ABI2: variants seen among roughly 807,000 people sequenced by gnomAD.
The protein encoded by ABI2 is abelson interactor 2.
Under a neutral mutation model 59.2 loss-of-function variants are expected in ABI2, and 25 were observed. The ratio of observed to expected loss-of-function variants is 0.42; its 90% CI spans 0.31 to 0.59. The LOEUF is 0.59. Among genes scored for constraint, ABI2 ranks in the 20% least tolerant of loss-of-function variants. ABI2 has a pLI of 0.14. For synonymous variants in ABI2, 213 were observed against 235.5 expected (o/e 0.90, Z 0.87); for missense variants, 545 against 681.8 (o/e 0.80, Z 2.23).
chr2:203,351,682 C>T (rs532684035), intron 1 of ABI2: 27 of 359,728 alleles, frequency 7.5e-5, no homozygotes, highest in African/African-American at 4.2e-4. Flanking sequence ...ACTACAGGTG[C>T]GTGCTACTGT....
chr2:203,384,314 T>G (rs35433899), intron 4 of ABI2, among the ~76,000 whole-genome samples: 4,700 of 143,524 alleles, frequency 0.033, 293 homozygotes, highest in African/African-American at 0.12. Context: ...TTTTTTTTTT[T>G]TTTTTTTTTT....
chr2:203,387,654 A>G (rs2096582737), intron 4 of ABI2, among the ~76,000 whole-genome samples: 1 of 152,256 alleles, frequency 6.6e-6, no homozygotes, highest in Admixed American at 6.5e-5. Flanking sequence ...GAATAAAAAA[A>G]TACATAACAA....
intron 1 of ABI2, among the ~76,000 whole-genome samples, chr2:203,348,775 A>G (rs2085441649): frequency 6.6e-6 from 1 of 152,182 alleles, no homozygotes; most frequent in Admixed American, 6.6e-5. Context: ...TCCATTATTA[A>G]TATCTGTCTC....
At chr2:203,370,580 C>G (rs2095071750) in intron 2 of ABI2, among the ~76,000 whole-genome samples, 1 of 152,104 alleles carries the variant, frequency 6.6e-6, no homozygotes, top group South Asian at 2.1e-4. Flanking sequence ...GTTTGCCAGC[C>G]CCTGCTCTAA....
chr2:203,329,204 C>A, intron 1 of ABI2: 1 of 152,532 alleles, frequency 6.6e-6, no homozygotes, highest in Non-Finnish European at 1.5e-5. Context: ...CCATTTTTTT[C>A]CCTATGGAGA....
intron 1 of ABI2, among the ~76,000 whole-genome samples, chr2:203,332,734 A>G (rs2074417528): frequency 6.6e-6 from 1 of 152,224 alleles, no homozygotes; most frequent in Non-Finnish European, 1.5e-5. Flanking sequence ...AAGAATTTTT[A>G]TTACAATATA....
chr2:203,410,357 A>G (rs2097608361), intron 9 of ABI2, among the ~76,000 whole-genome samples: 1 of 152,248 alleles, frequency 6.6e-6, no homozygotes, highest in Non-Finnish European at 1.5e-5. Context: ...AAGAAAATGC[A>G]TATCCTACTT....
intron 1 of ABI2, among the ~76,000 whole-genome samples, chr2:203,345,834 C>T (rs768811925): frequency 2.6e-5 from 4 of 151,890 alleles, no homozygotes; most frequent in African/African-American, 9.7e-5. Context: ...GCGTGAGGCA[C>T]TGTGCCCAGC....
chr2:203,374,530 A>G (rs932053772), intron 2 of ABI2, among the ~76,000 whole-genome samples: 3 of 151,652 alleles, frequency 2.0e-5, no homozygotes, highest in African/African-American at 4.8e-5. Context: ...GGAATTTCCA[A>G]TTTTAATTAA....
chr2:203,378,845 A>G (rs1044453867), intron 2 of ABI2, among the ~76,000 whole-genome samples: 2 of 152,184 alleles, frequency 1.3e-5, no homozygotes, highest in African/African-American at 4.8e-5. Flanking sequence ...ACTGCGACAC[A>G]CAGGAAAAAA....
At chr2:203,420,116 G>C (rs1276242638) in intron 11 of ABI2, among the ~76,000 whole-genome samples, 1 of 152,228 alleles carries the variant, frequency 6.6e-6, no homozygotes, top group Admixed American at 6.5e-5. Flanking sequence ...ATTGGGATTT[G>C]ACTGGGTGGT....
intron 1 of ABI2, among the ~76,000 whole-genome samples, chr2:203,361,817 A>G (rs1418923089): frequency 2.0e-5 from 3 of 152,128 alleles, no homozygotes; most frequent in Non-Finnish European, 2.9e-5. Context: ...TTATAGTGTC[A>G]TTTATTGAGC....
chr2:203,351,977 A>G (rs1311115482), intron 1 of ABI2, among the ~76,000 whole-genome samples: 1 of 152,184 alleles, frequency 6.6e-6, no homozygotes, highest in Admixed American at 6.5e-5. Flanking sequence ...TAGCCGTCCT[A>G]ATGTTGTAGC....
intron 1 of ABI2, among the ~76,000 whole-genome samples, chr2:203,356,154 G>C (rs2091869318): frequency 6.6e-6 from 1 of 151,970 alleles, no homozygotes; most frequent in Non-Finnish European, 1.5e-5. Flanking sequence ...AATGAGTGCA[G>C]TTAGTGGAGA....
intron 1 of ABI2, among the ~76,000 whole-genome samples, chr2:203,350,633 G>A (rs961543067): frequency 1.3e-5 from 2 of 150,934 alleles, no homozygotes; most frequent in African/African-American, 2.4e-5. Context: ...TCTGCCTCCC[G>A]GGTTCAAGTG....
chr2:203,377,388 G>T (rs1034336064), intron 2 of ABI2, among the ~76,000 whole-genome samples: 1 of 152,088 alleles, frequency 6.6e-6, no homozygotes, highest in Non-Finnish European at 1.5e-5. Context: ...GGCTGCTCAG[G>T]TTTACACTCT....
chr2:203,365,282 A>G (rs1322523806), intron 1 of ABI2, among the ~76,000 whole-genome samples: 1 of 152,124 alleles, frequency 6.6e-6, no homozygotes, highest in Non-Finnish European at 1.5e-5. Context: ...TCACTTAGTT[A>G]TATCGTAGAT....
At chr2:203,425,662 T>C (rs1014544527) in intron 11 of ABI2, among the ~76,000 whole-genome samples, 2 of 152,246 alleles carry the variant, frequency 1.3e-5, no homozygotes, top group African/African-American at 2.4e-5. Flanking sequence ...TACATTTGAT[T>C]GTGTTCAGGC....
intron 1 of ABI2, among the ~76,000 whole-genome samples, chr2:203,346,028 A>C (rs187152504): frequency 6.6e-6 from 1 of 151,526 alleles, no homozygotes; most frequent in Non-Finnish European, 1.5e-5. Context: ...AAAAATACAC[A>C]CGCGCACACA....
Sources: allele counts gnomAD v4.1 joint callset (sites outside exome capture counted in the v4.1 genomes callset), GRCh38; gene constraint gnomAD v4.1.1; transcripts MANE v1.5; gene names NCBI Gene and HGNC (gene_info 2026-07-23, HGNC 2026-07-21).